Variants in SLC45A4 observed in about 807,000 individuals in gnomAD.
The protein encoded by SLC45A4 is solute carrier family 45 member 4.
Under a neutral mutation model 63.7 loss-of-function variants are expected in SLC45A4, and 32 were observed. That is an observed-to-expected ratio of 0.50 (90% CI 0.38 to 0.67). SLC45A4 has a LOEUF of 0.67. SLC45A4 is among the 30% of genes least tolerant of loss of function. The pLI is 0.00. For missense variants in SLC45A4, 1,027 were observed against 1,157.7 expected, an observed-to-expected ratio of 0.89 and a Z score of 1.64; for synonymous variants, 535 against 510.0, an observed-to-expected ratio of 1.05 and a Z score of -0.66.
At chr8:141,236,103 CA>C (rs1218778337) in intron 2 of SLC45A4, among the ~76,000 whole-genome samples, 2 of 148,330 alleles carry the variant, frequency 1.3e-5, no homozygotes, top group African/African-American at 2.6e-5. Context: ...GACTCCGTCT[CA>C]AAAACAAAAA....
chr8:141,266,166 G>A (rs1005551027), intron 1 of SLC45A4, among the ~76,000 whole-genome samples: 11 of 152,174 alleles, frequency 7.2e-5, no homozygotes, highest in Admixed American at 2.6e-4. Flanking sequence ...CCTGGGAAGC[G>A]GTCTAGCGAG....
chr8:141,271,774 G>C (rs1393925693), intron 1 of SLC45A4, among the ~76,000 whole-genome samples: 1 of 152,194 alleles, frequency 6.6e-6, no homozygotes, highest in Non-Finnish European at 1.5e-5. Flanking sequence ...CACAGCACAG[G>C]ACAGGCACTG....
At chr8:141,223,527 G>A (rs779058288) in intron 2 of SLC45A4, among the ~76,000 whole-genome samples, 1 of 152,172 alleles carries the variant, frequency 6.6e-6, no homozygotes, top group Non-Finnish European at 1.5e-5. Flanking sequence ...CGGCAAACCC[G>A]TGCCAGGCAG....
intron 1 of SLC45A4, among the ~76,000 whole-genome samples, chr8:141,302,770 G>A (rs1830788189): frequency 6.6e-6 from 1 of 152,096 alleles, no homozygotes; most frequent in East Asian, 1.9e-4. Flanking sequence ...AGTCCCCCTC[G>A]CCTCGTGTCT....
intron 5 of SLC45A4, 55 bp downstream of exon 5, chr8:141,217,956 C>T (rs1035746073): frequency 3.7e-5 from 57 of 1,522,754 alleles, no homozygotes; most frequent in South Asian, 2.6e-4. Flanking sequence ...TGAGCTTCTC[C>T]GTGAGCCGCA....
chr8:141,273,428 C>T lies in SLC45A4; in HGVS notation c.-400-18799G>A, dbSNP rs549974476. On this transcript the variant is annotated intron_variant, in intron 1 of 8. Coordinates refer to ENST00000517878, the MANE Select transcript of SLC45A4 (RefSeq NM_001286646.2). ...CAAGCGCCAGTATCAACCTGAAATG[C>T]CCATAAGCCCTAGGATAAACTAGGT... is the stretch of plus-strand genomic sequence containing the variant. Among the ~76,000 whole-genome samples, 53 of 152,262 alleles carry T rather than the reference C, an allele frequency of 3.5e-4. No individual in the cohort carries two copies. In the South Asian group the frequency reaches 8.5e-3, roughly 24 times the overall value.
rs1473740084 is a variant in SLC45A4, at chr8:141,227,271, C to T, written c.242-5506G>A. ...CGGGTCACGTGTGGCGGCTCCTGTTCACAGTGCCGTGTGTGATAAACTGGG... is the reference window on the plus strand; with the variant it reads ...CGGGTCACGTGTGGCGGCTCCTGTTTACAGTGCCGTGTGTGATAAACTGGG... On this transcript the variant is annotated intron_variant, in intron 2 of 8. Transcript: ENST00000517878. The surrounding 1 kb of genome is among the most constrained non-coding windows in gnomAD (Gnocchi z 4.4). Among the ~76,000 whole-genome samples, 5 of 152,068 alleles carry T rather than the reference C, an allele frequency of 3.3e-5. No individual in the cohort carries two copies. Among genetic ancestry groups the T allele is most frequent in the African/African-American group, 1.2e-4 (5 of 41,376 alleles).
At chr8:141,282,331 G>A (rs905367820) in intron 1 of SLC45A4, among the ~76,000 whole-genome samples, 9 of 152,206 alleles carry the variant, frequency 5.9e-5, no homozygotes, top group African/African-American at 9.6e-5. Flanking sequence ...GAGTTTCCTC[G>A]AATTTCCTGA....
Position 141,278,710 on chromosome 8 carries a change from A to T in SLC45A4, c.-400-24081T>A, listed in dbSNP as rs73366481. Among the ~76,000 whole-genome samples the T allele has an allele frequency of 6.6e-6, 1 of 152,228 alleles. No individual in the cohort carries two copies. The highest frequency in any genetic ancestry group is 1.5e-5 in the Non-Finnish European group (1 of 68,036). On this transcript the variant is annotated intron_variant, in intron 1 of 8. Coordinates refer to ENST00000517878, the MANE Select transcript of SLC45A4 (RefSeq NM_001286646.2). The surrounding 1 kb of genome is among the most constrained non-coding windows in gnomAD (Gnocchi z 4.1). Reference sequence around the variant, plus strand: ...TGAGTGAGCAGAAAAATGCAATGCAATCAGCTGACCAGAGAGGAAGCTGGG... The same window carrying T: ...TGAGTGAGCAGAAAAATGCAATGCATTCAGCTGACCAGAGAGGAAGCTGGG...
At chr8:141,252,426 C>T (rs1039249099) in intron 2 of SLC45A4, 3 of 158,448 alleles carry the variant, frequency 1.9e-5, no homozygotes, top group Non-Finnish European at 4.2e-5. Context: ...TTCACGCCCA[C>T]CTGCGTGTCT....
intron 4 of SLC45A4, 83 bp from the exon 5 acceptor site, chr8:141,219,112 CAG>C (rs1826415104): frequency 6.0e-6 from 9 of 1,494,358 alleles, no homozygotes; most frequent in Non-Finnish European, 6.3e-6. Context: ...CTCCCTCTAA[CAG>C]GGGGCCGGGG....
chr8:141,274,177 C>T (rs1273370142), intron 1 of SLC45A4, among the ~76,000 whole-genome samples: 3 of 151,524 alleles, frequency 2.0e-5, no homozygotes, highest in Non-Finnish European at 4.4e-5. Flanking sequence ...TACAGTGAGC[C>T]GAGATCACGC....
intron 1 of SLC45A4, among the ~76,000 whole-genome samples, chr8:141,291,319 G>A (rs2031652860): frequency 6.6e-6 from 1 of 152,224 alleles, no homozygotes. Context: ...GAGAAAGAGG[G>A]CTGGGGGACA....
intron 2 of SLC45A4, among the ~76,000 whole-genome samples, chr8:141,235,653 G>A (rs1827588658): frequency 6.6e-6 from 1 of 152,208 alleles, no homozygotes; most frequent in African/African-American, 2.4e-5. Context: ...GGAGAGAGGG[G>A]CAGGCATTGC....
chr8:141,268,168 C>T (rs1468009045), intron 1 of SLC45A4, among the ~76,000 whole-genome samples: 2 of 152,182 alleles, frequency 1.3e-5, no homozygotes, highest in Non-Finnish European at 2.9e-5. Flanking sequence ...AAAAGATATG[C>T]GGGCACTTTA....
Position 141,215,382 on chromosome 8 carries a change from C to T in SLC45A4, c.1941+377G>A, listed in dbSNP as rs1291739032. On this transcript the variant is annotated intron_variant, in intron 7 of 8. Coordinates refer to ENST00000517878, the MANE Select transcript of SLC45A4 (RefSeq NM_001286646.2). The surrounding 1 kb of genome is among the most constrained non-coding windows in gnomAD (Gnocchi z 4.3). ...GGCCTTTTCACTTTCTAAACGTGGC[C>T]GCCAGGAAGTCTAGGCATACCTGGG... Among the ~76,000 whole-genome samples the T allele has an allele frequency of 1.3e-5, 2 of 152,232 alleles. No homozygotes were observed.
chr8:141,216,795 G>A (rs550222126), intron 6 of SLC45A4, among the ~76,000 whole-genome samples: 4 of 152,304 alleles, frequency 2.6e-5, no homozygotes, highest in Admixed American at 6.5e-5. Context: ...CAGGGACAGC[G>A]TGTCTGGAGG....
At chr8:141,231,153 C>G (rs1180399256) in intron 2 of SLC45A4, among the ~76,000 whole-genome samples, 1 of 152,200 alleles carries the variant, frequency 6.6e-6, no homozygotes, top group Non-Finnish European at 1.5e-5. Context: ...AGAGAAAGGA[C>G]CTGGCAGGTC....
Position 141,306,012 on chromosome 8 carries a change from C to G in SLC45A4, c.-401+2084G>C, listed in dbSNP as rs112981158. Among the ~76,000 whole-genome samples, 791 of 152,220 alleles carry G rather than the reference C, an allele frequency of 5.2e-3. 6 individuals are homozygous for G. The highest frequency in any genetic ancestry group is 0.018 in the African/African-American group (762 of 41,552). ...AATCCGGTTTACAGGCTTGCTCCGCCCCTCCCCCACCCCCCTCCAATAAGC... is the reference window on the plus strand; with the variant it reads ...AATCCGGTTTACAGGCTTGCTCCGCGCCTCCCCCACCCCCCTCCAATAAGC... On this transcript the variant is annotated intron_variant, in intron 1 of 8. Coordinates refer to ENST00000517878, the MANE Select transcript of SLC45A4 (RefSeq NM_001286646.2).
Sources: gnomAD v4.1 joint callset for allele counts (sites outside exome capture counted in the v4.1 genomes callset) on GRCh38, gnomAD v4.1.1 for gene constraint, Gnocchi (gnomAD v3.1) non-coding constraint, MANE v1.5 for transcripts, NCBI Gene and HGNC (gene_info 2026-07-23, HGNC 2026-07-21) for gene names.